Variants in CD96 observed in about 807,000 individuals in gnomAD.
CD96 encodes the protein CD96 molecule.
CD96 carries 70 observed loss-of-function variants against 71.3 expected under a neutral mutation model. The ratio of observed to expected loss-of-function variants is 0.98; its 90% CI spans 0.81 to 1.20. CD96 has a LOEUF of 1.20. Among genes scored for constraint, CD96 ranks in the 50% most tolerant of loss-of-function variants. CD96 has a pLI of 0.00. For missense variants in CD96, 742 were observed against 677.5 expected (o/e 1.10, Z -1.06); for synonymous variants, 248 against 233.0 (o/e 1.06, Z -0.59).
At chr3:111,583,967 T>C (rs1936587561) in intron 4 of CD96, among the ~76,000 whole-genome samples, 1 of 152,236 alleles carries the variant, frequency 6.6e-6, no homozygotes, top group Admixed American at 6.5e-5. Flanking sequence ...AATTTCTCCC[T>C]AGAAAATGGG....
At chr3:111,639,270 G>C (rs1009048935) in intron 12 of CD96, among the ~76,000 whole-genome samples, 7 of 152,164 alleles carry the variant, frequency 4.6e-5, no homozygotes, top group African/African-American at 1.7e-4. Context: ...GACAGACTCG[G>C]GGCTGTTGGC....
chr3:111,579,469 T>A, intron 4 of CD96: 1 of 585,838 alleles, frequency 1.7e-6, no homozygotes, highest in Admixed American at 2.5e-5. Flanking sequence ...ATTTTCTGTA[T>A]TGGTCAGTTT....
chr3:111,582,309 T>C (rs552841705), intron 4 of CD96, among the ~76,000 whole-genome samples: 36 of 152,320 alleles, frequency 2.4e-4, no homozygotes, highest in African/African-American at 7.5e-4. Context: ...GAAGGCTGTG[T>C]TTGCTATGCT....
At chr3:111,542,514 A>T (rs1379159772) in intron 1 of CD96, among the ~76,000 whole-genome samples, 1 of 152,228 alleles carries the variant, frequency 6.6e-6, no homozygotes, top group Admixed American at 6.5e-5. Flanking sequence ...CACTAAAAAT[A>T]AGAAGGGAAT....
rs1576382261 is a variant in CD96 at position 111,607,084 on chromosome 3, A to C, written c.1180+292A>C. On this transcript the variant is annotated intron_variant, in intron 8 of 13. Coordinates refer to ENST00000352690, the MANE Select transcript of CD96 (RefSeq NM_005816.5). Reference sequence around the variant, plus strand: ...AATAAAGAAACTCCTAAACATATTAAAGTATCATTCTCATGGCTTCAAAGA... The same window carrying C: ...AATAAAGAAACTCCTAAACATATTACAGTATCATTCTCATGGCTTCAAAGA... 28 of 432,488 alleles carry C rather than the reference A, an allele frequency of 6.5e-5. No homozygotes were observed. In the East Asian group the frequency reaches 1.1e-3, roughly 18 times the overall value. 26.8% of individuals were successfully genotyped at this position (432,488 alleles called of 1,614,324 possible).
chr3:111,624,390 C>G lies in CD96; in HGVS notation c.1307C>G (p.Thr436Arg). Residue 436 changes from threonine to arginine, a missense_variant, in exon 10 of 14, where the codon ACA becomes AGA. By Grantham distance (71) the Thr-to-Arg change is moderately conservative (BLOSUM62 -1). Transcript: ENST00000352690. ...GFNYPWTSSG[T>R]DTKKSVSRIP... ...AACTATCCCTGGACCTCCAGTGGGA[C>G]AGATACCAAAAAATGTTAAGTATAA... The G allele has an allele frequency of 1.2e-6, 2 of 1,605,390 alleles. No homozygotes were observed. Among genetic ancestry groups the G allele is most frequent in the Non-Finnish European group, 1.7e-6 (2 of 1,172,046 alleles).
intron 8 of CD96, among the ~76,000 whole-genome samples, chr3:111,614,908 T>C (rs899959800): frequency 5.9e-5 from 9 of 152,176 alleles, no homozygotes; most frequent in African/African-American, 1.2e-4. Context: ...ATCTTCTCCA[T>C]GAGGGAGGGC....
chr3:111,585,287 T>A (rs1405083115), intron 4 of CD96, 36 bp from the exon 5 acceptor site: 34 of 1,432,452 alleles, frequency 2.4e-5, no homozygotes, highest in Non-Finnish European at 3.2e-5. Flanking sequence ...TAGGATGACA[T>A]TTGGTGCCAC....
chr3:111,556,154 T>G, intron 2 of CD96, among the ~76,000 whole-genome samples: 1 of 152,308 alleles, frequency 6.6e-6, no homozygotes, highest in East Asian at 1.9e-4. Context: ...TCCTATTTAT[T>G]GAGTCATTGT....
At chr3:111,625,075 G>A (rs1260977011) in intron 10 of CD96, among the ~76,000 whole-genome samples, 1 of 152,240 alleles carries the variant, frequency 6.6e-6, no homozygotes, top group African/African-American at 2.4e-5. Flanking sequence ...TTAAATGTTA[G>A]ACTCTTTGCC....
intron 2 of CD96, among the ~76,000 whole-genome samples, chr3:111,561,752 C>A (rs374657938): frequency 7.1e-5 from 10 of 141,774 alleles, no homozygotes; most frequent in Admixed American, 1.4e-4. Context: ...TCGAGCTTCC[C>A]GGCTGCTTTG....
chr3:111,620,956 G>A (rs1339584788), intron 8 of CD96, among the ~76,000 whole-genome samples: 1 of 152,192 alleles, frequency 6.6e-6, no homozygotes, highest in Non-Finnish European at 1.5e-5. Flanking sequence ...CTCCAGAAGA[G>A]AACATTTAAT....
At chr3:111,555,161 G>A (rs982850848) in intron 2 of CD96, among the ~76,000 whole-genome samples, 3 of 149,656 alleles carry the variant, frequency 2.0e-5, no homozygotes, top group Non-Finnish European at 4.4e-5. Flanking sequence ...CCAGTCCATG[G>A]TCCAGGGGCT....
intron 2 of CD96, among the ~76,000 whole-genome samples, chr3:111,561,989 C>G (rs1220635101): frequency 7.9e-5 from 12 of 151,990 alleles, no homozygotes; most frequent in African/African-American, 2.9e-4. Flanking sequence ...CGTCCGTCAC[C>G]CCTTTCTTTG....
At chr3:111,552,371 A>G (rs1214494881) in intron 2 of CD96, among the ~76,000 whole-genome samples, 1 of 152,272 alleles carries the variant, frequency 6.6e-6, no homozygotes, top group East Asian at 1.9e-4. Context: ...GCCATCTTGA[A>G]AGAGGACAGG....
intron 12 of CD96, among the ~76,000 whole-genome samples, chr3:111,642,557 C>T (rs139184859): frequency 1.1e-3 from 174 of 152,242 alleles, no homozygotes; most frequent in African/African-American, 4.0e-3. Context: ...GCCTGTAATC[C>T]CAGCACTTTG....
In CD96 at chr3:111,606,706, A is replaced by G. The variant is rs759357768; in HGVS notation, c.1094A>G (p.Glu365Gly). Residue 365 changes from glutamate to glycine, a missense_variant, in exon 8 of 14, where the codon GAA (glutamate) becomes GGA (glycine). Coordinates refer to ENST00000352690, the MANE Select transcript of CD96 (RefSeq NM_005816.5). ...CTCTTTCTAATCCTTTAAGGTTCTGAAATTTCCTCAACAGACCCTCCACTG... is the reference window on the plus strand; with the variant it reads ...CTCTTTCTAATCCTTTAAGGTTCTGGAATTTCCTCAACAGACCCTCCACTG... The part of the protein sequence containing the change: ...SEKITFLLGS[E>G]ISSTDPPLSV... 6 of 1,551,280 alleles carry G rather than the reference A, an allele frequency of 3.9e-6. No individual in the cohort carries two copies. Among genetic ancestry groups the G allele is most frequent in the Non-Finnish European group, 4.5e-6 (5 of 1,122,704 alleles).
chr3:111,550,015 G>A (rs1160928407), intron 2 of CD96, among the ~76,000 whole-genome samples: 1 of 152,108 alleles, frequency 6.6e-6, no homozygotes, highest in Non-Finnish European at 1.5e-5. Flanking sequence ...AAGCCATGTG[G>A]CACTTCAGCA....
intron 12 of CD96, among the ~76,000 whole-genome samples, chr3:111,646,551 A>G (rs769854502): frequency 4.6e-5 from 7 of 151,944 alleles, no homozygotes; most frequent in African/African-American, 7.2e-5. Context: ...AAAAAAAAAA[A>G]AAGAAGAAGA....
Sources: gnomAD v4.1 joint callset for allele counts (sites outside exome capture counted in the v4.1 genomes callset) on GRCh38, gnomAD v4.1.1 for gene constraint, MANE v1.5 for transcripts, NCBI Gene and HGNC (gene_info 2026-07-23, HGNC 2026-07-21) for gene names.